Variants in DNAH2 observed in about 807,000 individuals in gnomAD.
DNAH2 encodes the protein axonemal beta dynein heavy chain 2.
Under a neutral mutation model 523.5 loss-of-function variants are expected in DNAH2, and 323 were observed. The observed-to-expected ratio is 0.62, with a 90% CI of 0.56 to 0.68. DNAH2 has a LOEUF of 0.68. Ranked by LOEUF, DNAH2 falls within the 30% of genes least tolerant of loss-of-function variation. The pLI is 0.00. For missense variants in DNAH2, 4,907 were observed against 5,701.5 expected, an observed-to-expected ratio of 0.86 and a Z score of 4.49; for synonymous variants, 2,093 against 2,177.4, an observed-to-expected ratio of 0.96 and a Z score of 1.08.
At chr17:7,833,307 C>CGCTCCTGCCCT (rs1233580523) in intron 85 of DNAH2, 72 bp from the exon 86 acceptor site, 11 of 1,607,166 alleles carry the variant, frequency 6.8e-6, no homozygotes, top group East Asian at 2.2e-5. Flanking sequence ...ATCCCACACC[C>CGCTCCTGCCCT]GCTCCTGCCC....
chr17:7,795,699 A>G (rs1473175472), intron 49 of DNAH2, among the ~76,000 whole-genome samples: 1 of 147,042 alleles, frequency 6.8e-6, no homozygotes, highest in African/African-American at 2.5e-5. Flanking sequence ...TTATATACAT[A>G]TATATATAGT....
Position 7,760,050 on chromosome 17 carries a change from C to T in DNAH2, c.2785+112C>T, listed in dbSNP as rs2075962162. On this transcript the variant is annotated intron_variant, in intron 17 of 85. Coordinates refer to ENST00000572933, the MANE Select transcript of DNAH2 (RefSeq NM_020877.5). This position sits in a 1 kb window ranked among gnomAD's most constrained non-coding sequence, Gnocchi z 4.0. ...CCAGGCATACTGGGCCAGTCACCTCCCTGACCTGGGGAAAACTCAGGTCAA... is the reference window on the plus strand; with the variant it reads ...CCAGGCATACTGGGCCAGTCACCTCTCTGACCTGGGGAAAACTCAGGTCAA... The T allele has an allele frequency of 6.6e-7, 1 of 1,517,674 alleles. No homozygotes were observed. The highest frequency in any genetic ancestry group is 9.0e-7 in the Non-Finnish European group (1 of 1,110,086). 94.0% of individuals were successfully genotyped at this position (1,517,674 alleles called of 1,614,324 possible).
At chr17:7,779,551 T>C (rs1347360833) in intron 36 of DNAH2, 128 bp downstream of exon 36, 8 of 1,052,728 alleles carry the variant, frequency 7.6e-6, no homozygotes, top group Admixed American at 5.0e-5. Flanking sequence ...TGGCTAAAGA[T>C]AGCAAAGGGG....
chr17:7,831,700 C>A lies in DNAH2; in HGVS notation c.12651C>A (p.Leu4217=). 6.2e-7 allele frequency: 1 copy of A among 1,614,182 alleles called. No individual in the cohort carries two copies. Among genetic ancestry groups the A allele is most frequent in the East Asian group, 2.2e-5 (1 of 44,894 alleles). Residue 4217 remains leucine, a synonymous_variant, in exon 82 of 86, where the codon CTC becomes CTA. Transcript: ENST00000572933. This position sits in a 1 kb window ranked among gnomAD's most constrained non-coding sequence, Gnocchi z 4.2. ...ACCTAGAGAAAGGCATCCAGGGTCT[C>A]ATCGTCATGTCTACAAGCCTGGAAG... The part of the protein sequence containing the change: ...LTDLEKGIQG[L]IVMSTSLEEI...
chr17:7,751,920 G>GGTGTGTGTGTGT (rs1555544367), intron 12 of DNAH2, among the ~76,000 whole-genome samples: 30 of 145,874 alleles, frequency 2.1e-4, no homozygotes, highest in African/African-American at 7.3e-4. Flanking sequence ...ATAGTTGTGG[G>GGTGTGTGTGTGT]GTGTGTGTGT....
At position 7,727,158 on chromosome 17, in the gene DNAH2, C is replaced by T. The variant is rs1290381931; in HGVS notation, c.265C>T (p.Leu89=). The part of the protein sequence containing the change: ...LFLSRAALTG[L]ADAVWTQEHD... ...CCTTTCCCGAGCTGCGCTGACAGGA[C>T]TGGCGGATGCAGTGTGGACACAGGA... The change falls in exon 4 of 86, where the codon CTG becomes TTG. Residue 89 remains leucine (L), a synonymous_variant. Transcript: ENST00000572933. The T allele has an allele frequency of 6.3e-7, 1 of 1,595,642 alleles. No homozygotes were observed. Among genetic ancestry groups the T allele is most frequent in the Non-Finnish European group, 8.5e-7 (1 of 1,173,546 alleles).
chr17:7,725,746 G>T (rs1355141222), intron 3 of DNAH2, among the ~76,000 whole-genome samples: 3 of 141,498 alleles, frequency 2.1e-5, no homozygotes, highest in Non-Finnish European at 3.0e-5. Context: ...ACCACGCCTG[G>T]CCAATTTTTT....
Position 7,804,909 on chromosome 17 carries a change from C to T in DNAH2, c.9184-49C>T, listed in dbSNP as rs747412901. 13 of 1,539,624 alleles carry T rather than the reference C, an allele frequency of 8.4e-6. No homozygotes were observed. The South Asian group carries it at 1.4e-4, about 16-fold the overall frequency. On this transcript the variant is annotated intron_variant, in intron 59 of 85. Transcript: ENST00000572933. ...TTTCCACCAACACCGTCACTCCCAC[C>T]TTTGCCCAAGGCAAAGACAAAAAAC...
At chr17:7,789,680 G>A (rs558378860) in intron 44 of DNAH2, among the ~76,000 whole-genome samples, 35 of 151,618 alleles carry the variant, frequency 2.3e-4, no homozygotes, top group East Asian at 3.9e-4. Context: ...AGGTTCAAGC[G>A]ATTCTCCTGC....
At chr17:7,797,319 C>T in intron 51 of DNAH2, 58 bp downstream of exon 51, 2 of 1,613,622 alleles carry the variant, frequency 1.2e-6, no homozygotes, top group South Asian at 2.2e-5. Context: ...CCCACCCCTA[C>T]TTTGTTCCCA....
At chr17:7,732,854 T>G (rs2075028268) in intron 4 of DNAH2, among the ~76,000 whole-genome samples, 1 of 152,200 alleles carries the variant, frequency 6.6e-6, no homozygotes, top group African/African-American at 2.4e-5. Flanking sequence ...TGGAGCCTAG[T>G]TGGACAAAAT....
chr17:7,739,604 CTTCTT>C, intron 8 of DNAH2, 124 bp from the exon 9 acceptor site: 1 of 904,302 alleles, frequency 1.1e-6, no homozygotes, highest in Non-Finnish European at 1.6e-6. Flanking sequence ...ATATTTTCTT[CTTCTT>C]TTTTTTTTTT....
At chr17:7,726,601 C>T (rs539620202) in intron 3 of DNAH2, among the ~76,000 whole-genome samples, 2 of 152,170 alleles carry the variant, frequency 1.3e-5, no homozygotes, top group African/African-American at 2.4e-5. Context: ...CCGCGCCCAG[C>T]CCTCTTTGGT....
At chr17:7,747,396 T>C (rs1038576394) in intron 12 of DNAH2, among the ~76,000 whole-genome samples, 15 of 152,226 alleles carry the variant, frequency 9.9e-5, no homozygotes, top group African/African-American at 3.6e-4. Context: ...TGTAATTTAA[T>C]GAACCAGTCT....
At chr17:7,746,873 G>C (rs749466734) in intron 12 of DNAH2, among the ~76,000 whole-genome samples, 1 of 152,002 alleles carries the variant, frequency 6.6e-6, no homozygotes, top group Admixed American at 6.6e-5. Context: ...TGTAATCCCA[G>C]CTACTTGGGA....
At position 7,727,193 on chromosome 17, in the gene DNAH2, C is replaced by T; in HGVS notation, c.300C>T (p.Ala100=). 1 of 1,608,418 alleles carries T rather than the reference C, an allele frequency of 6.2e-7. No homozygotes were observed. The highest frequency in any genetic ancestry group is 1.1e-5 in the South Asian group (1 of 90,084). ...CAGTGTGGACACAGGAGCATGATGCCATTCTGGAACACTTTGCCCAGGACC... is the reference window on the plus strand; with the variant it reads ...CAGTGTGGACACAGGAGCATGATGCTATTCTGGAACACTTTGCCCAGGACC... The part of the protein sequence containing the change: ...ADAVWTQEHD[A]ILEHFAQDPT... Residue 100 remains alanine, a synonymous_variant, in exon 4 of 86, where the codon GCC becomes GCT. Coordinates refer to ENST00000572933, the MANE Select transcript of DNAH2 (RefSeq NM_020877.5).
intron 44 of DNAH2, among the ~76,000 whole-genome samples, chr17:7,790,218 A>C (rs2076859866): frequency 1.3e-5 from 2 of 152,212 alleles, no homozygotes; most frequent in African/African-American, 4.8e-5. Context: ...TCCATTATTA[A>C]GTTGGTACAT....
At chr17:7,789,662 C>G (rs1195163169) in intron 44 of DNAH2, among the ~76,000 whole-genome samples, 2 of 151,880 alleles carry the variant, frequency 1.3e-5, no homozygotes, top group Admixed American at 1.3e-4. Context: ...CCGCAACCTC[C>G]GCCTTGCAGG....
chr17:7,760,925 A>G lies in DNAH2; in HGVS notation c.2971A>G (p.Ile991Val), dbSNP rs748596067. The change falls in exon 18 of 86, where the codon ATT (isoleucine) becomes GTT (valine). Residue 991 changes from isoleucine to valine, a missense_variant. Transcript: ENST00000572933. This position sits in a 1 kb window ranked among gnomAD's most constrained non-coding sequence, Gnocchi z 4.0. ...TCCTGTCTCTTCTTTTGTTGCCGACATTGCCCGGTGAGTGGTGAGGGTGGA... is the reference window on the plus strand; with the variant it reads ...TCCTGTCTCTTCTTTTGTTGCCGACGTTGCCCGGTGAGTGGTGAGGGTGGA... ...NPPVSSFVADIARYTEVANNV... is the reference protein window; with the variant it reads ...NPPVSSFVADVARYTEVANNV... The G allele has an allele frequency of 6.2e-6, 10 of 1,613,852 alleles. No homozygotes were observed. The highest frequency in any genetic ancestry group is 8.5e-6 in the Non-Finnish European group (10 of 1,179,932).
Sources: allele counts gnomAD v4.1 joint callset (sites outside exome capture counted in the v4.1 genomes callset), GRCh38; gene constraint gnomAD v4.1.1; non-coding constraint Gnocchi (gnomAD v3.1); transcripts MANE v1.5; gene names NCBI Gene and HGNC (gene_info 2026-07-23, HGNC 2026-07-21).